The following CSMD1 variants were observed in gnomAD, a reference collection of about 807,000 sequenced individuals.
CSMD1 encodes CUB and sushi domain-containing protein 1.
CSMD1 carries 213 observed loss-of-function variants against 417.5 expected under a neutral mutation model. The ratio of observed to expected loss-of-function variants is 0.51; its 90% CI spans 0.46 to 0.57. CSMD1 has a LOEUF of 0.57. CSMD1 is among the 20% of genes least tolerant of loss of function. The probability of loss-of-function intolerance (pLI) is 0.00; values close to 1 mark genes in which losing one functional copy is unlikely to be tolerated. For synonymous variants in CSMD1, 2,862 were observed against 1,736.8 expected (o/e 1.65, Z -16.11); for missense variants, 6,923 against 4,529.7 (o/e 1.53, Z -15.17).
chr8:4,908,773 G>C (rs1264946806), intron 1 of CSMD1, among the ~76,000 whole-genome samples: 1 of 151,708 alleles, frequency 6.6e-6, no homozygotes, highest in Non-Finnish European at 1.5e-5. Flanking sequence ...TCATGTTTCT[G>C]CTTGCATAGC....
intron 3 of CSMD1, among the ~76,000 whole-genome samples, chr8:4,064,517 TCCAA>T (rs1585235837): frequency 1.3e-5 from 2 of 152,328 alleles, no homozygotes; most frequent in East Asian, 3.9e-4. Flanking sequence ...AGGGATAACA[TCCAA>T]GTGAAGCCAC....
In CSMD1 at chr8:3,815,094, C is replaced by T. The variant is rs951062957; in HGVS notation, c.819-61052G>A. ...AATGTCCCCTGATATTTGAGCTGTA[C>T]ATTTTTTCAGAAAATAATTAGACAT... is the stretch of plus-strand genomic sequence containing the variant. On this transcript the variant is annotated intron_variant, in intron 5 of 69. Coordinates refer to ENST00000635120, the MANE Select transcript of CSMD1 (RefSeq NM_033225.6). Among the ~76,000 whole-genome samples, 8 of 152,152 alleles carry T rather than the reference C, an allele frequency of 5.3e-5. 1 individual carries two copies. The highest frequency in any genetic ancestry group is 1.9e-4 in the African/African-American group (8 of 41,442).
intron 5 of CSMD1, among the ~76,000 whole-genome samples, chr8:3,931,611 G>C (rs903618053): frequency 2.0e-5 from 3 of 149,714 alleles, no homozygotes; most frequent in Non-Finnish European, 3.0e-5. Context: ...ATTGCGCCAA[G>C]AGTTAGAGAC....
intron 40 of CSMD1, among the ~76,000 whole-genome samples, chr8:3,149,239 T>G (rs1378766007): frequency 6.6e-6 from 1 of 152,170 alleles, no homozygotes; most frequent in Non-Finnish European, 1.5e-5. Context: ...GATACCCTTC[T>G]CAGAAATGAT....
chr8:4,446,518 G>A (rs1563182841), intron 2 of CSMD1, among the ~76,000 whole-genome samples: 1 of 152,162 alleles, frequency 6.6e-6, no homozygotes. Flanking sequence ...CTGCACTCCA[G>A]CCTGGGCAGC....
At chr8:3,442,065 T>G (rs371700425) in intron 12 of CSMD1, among the ~76,000 whole-genome samples, 3 of 151,384 alleles carry the variant, frequency 2.0e-5, no homozygotes, top group East Asian at 3.9e-4. Context: ...ACAAAAAATT[T>G]TAAAAAGTAA....
At chr8:2,987,288 G>A (rs1806002170) in intron 54 of CSMD1, among the ~76,000 whole-genome samples, 1 of 151,350 alleles carries the variant, frequency 6.6e-6, no homozygotes, top group Non-Finnish European at 1.5e-5. Flanking sequence ...CATGATATAT[G>A]ATTACACAAA....
chr8:4,138,902 T>G (rs1412111908), intron 3 of CSMD1, among the ~76,000 whole-genome samples: 6 of 152,316 alleles, frequency 3.9e-5, no homozygotes, highest in East Asian at 3.9e-4. Context: ...ATACAAATAA[T>G]TTAATCCAGT....
chr8:4,769,808 T>G (rs1475173419), intron 1 of CSMD1, among the ~76,000 whole-genome samples: 1 of 152,174 alleles, frequency 6.6e-6, no homozygotes, highest in Non-Finnish European at 1.5e-5. Flanking sequence ...ATTTTCTACT[T>G]GGCATTTTAA....
At position 4,290,877 on chromosome 8, in the gene CSMD1, C is replaced by T. The variant is rs778413089; in HGVS notation, c.415+129076G>A. Among the ~76,000 whole-genome samples, 69 of 152,154 alleles carry T rather than the reference C, an allele frequency of 4.5e-4. 1 individual carries two copies. Among genetic ancestry groups the T allele is most frequent in the Non-Finnish European group, 7.5e-4 (51 of 68,018 alleles). On this transcript the variant is annotated intron_variant, in intron 3 of 69. Transcript: ENST00000635120. Reference sequence around the variant, plus strand: ...CATCTGTTTCTTGTGACTCATCATCCTTTACAATGTCAGCTCTCTGTAATT... The same window carrying T: ...CATCTGTTTCTTGTGACTCATCATCTTTTACAATGTCAGCTCTCTGTAATT...
At chr8:4,410,955 T>TTA (rs1424362561) in intron 3 of CSMD1, among the ~76,000 whole-genome samples, 2 of 152,160 alleles carry the variant, frequency 1.3e-5, no homozygotes, top group Non-Finnish European at 2.9e-5. Context: ...TGGGACTAGG[T>TTA]TAGTTATTGA....
At chr8:4,208,485 T>G (rs1166938402) in intron 3 of CSMD1, among the ~76,000 whole-genome samples, 1 of 152,224 alleles carries the variant, frequency 6.6e-6, no homozygotes, top group Non-Finnish European at 1.5e-5. Context: ...TCTATTCATC[T>G]GCGTTCTGTA....
intron 5 of CSMD1, among the ~76,000 whole-genome samples, chr8:3,906,343 C>G (rs1049238703): frequency 2.0e-5 from 3 of 152,038 alleles, no homozygotes; most frequent in Admixed American, 6.6e-5. Context: ...TTCAAAATCC[C>G]AAGTATACCT....
chr8:4,187,780 G>A (rs1454394237), intron 3 of CSMD1, among the ~76,000 whole-genome samples: 1 of 149,770 alleles, frequency 6.7e-6, no homozygotes, highest in Non-Finnish European at 1.5e-5. Flanking sequence ...TCACCATATA[G>A]TAAAATAGGC....
intron 50 of CSMD1, among the ~76,000 whole-genome samples, chr8:3,040,695 C>T (rs1212348194): frequency 6.6e-6 from 1 of 151,722 alleles, no homozygotes; most frequent in East Asian, 1.9e-4. Flanking sequence ...CCCAGCCACT[C>T]GGGAGGCTGA....
chr8:3,298,237 T>C (rs181023381), intron 25 of CSMD1, among the ~76,000 whole-genome samples: 13 of 152,284 alleles, frequency 8.5e-5, no homozygotes, highest in Admixed American at 6.5e-4. Context: ...CCTCAGTGTA[T>C]ACCCATGGAA....
intron 33 of CSMD1, among the ~76,000 whole-genome samples, chr8:3,196,924 G>C (rs73660606): frequency 0.022 from 3,279 of 152,242 alleles, 109 homozygotes; most frequent in African/African-American, 0.074. Flanking sequence ...CCATGCTGAA[G>C]GGTTATCCCT....
chr8:3,230,028 G>A lies in CSMD1; in HGVS notation c.4345+12C>T. ...CCTGAATATAAAATTTCTAAGTTCT[G>A]TTGTCTGATACCTATGCATGTAGGA... On this transcript the variant is annotated intron_variant, in intron 27 of 69. Coordinates refer to ENST00000635120, the MANE Select transcript of CSMD1 (RefSeq NM_033225.6). 1 of 1,520,884 alleles carries A rather than the reference G, an allele frequency of 6.6e-7. No homozygotes were observed. The highest frequency in any genetic ancestry group is 8.9e-7 in the Non-Finnish European group (1 of 1,129,400). The allele number at this position is 1,520,884 out of a possible 1,614,324, so 94.2% of individuals were successfully genotyped here. A position where few individuals can be genotyped will look rare whatever the true frequency, so the allele number is the denominator to read the frequency against.
At chr8:3,984,559 T>A (rs549819110) in intron 5 of CSMD1, among the ~76,000 whole-genome samples, 1 of 151,450 alleles carries the variant, frequency 6.6e-6, no homozygotes, top group African/African-American at 2.4e-5. Context: ...TATTAAAAAA[T>A]ATATATATAG....
Sources: allele counts gnomAD v4.1 joint callset (sites outside exome capture counted in the v4.1 genomes callset), GRCh38; gene constraint gnomAD v4.1.1; transcripts MANE v1.5; gene names NCBI Gene and HGNC (gene_info 2026-07-23, HGNC 2026-07-21).